Variants in CSMD1 observed in about 807,000 individuals in gnomAD.
The protein encoded by CSMD1 is CUB and Sushi multiple domains 1.
Under a neutral mutation model 417.5 loss-of-function variants are expected in CSMD1, and 213 were observed. The observed-to-expected ratio is 0.51, with a 90% CI of 0.46 to 0.57. The LOEUF (loss-of-function observed/expected upper bound fraction) is 0.57. CSMD1 is among the 20% of genes least tolerant of loss of function. The probability of loss-of-function intolerance (pLI) is 0.00; values close to 1 mark genes in which losing one functional copy is unlikely to be tolerated. For missense variants in CSMD1, 6,923 were observed against 4,529.7 expected (o/e 1.53, Z -15.17); for synonymous variants, 2,862 against 1,736.8 (o/e 1.65, Z -16.11).
At chr8:4,341,835 A>C (rs1016638590) in intron 3 of CSMD1, among the ~76,000 whole-genome samples, 4 of 152,118 alleles carry the variant, frequency 2.6e-5, no homozygotes, top group African/African-American at 9.7e-5. Context: ...CTGCATAATA[A>C]CAGAAGGATG....
At chr8:3,480,119 G>T (rs1423374254) in intron 11 of CSMD1, among the ~76,000 whole-genome samples, 5 of 152,132 alleles carry the variant, frequency 3.3e-5, no homozygotes, top group Non-Finnish European at 1.5e-5. Context: ...AGCACTTTGG[G>T]AGGCCTAGGT....
chr8:4,729,113 C>A (rs1290169749), intron 1 of CSMD1, among the ~76,000 whole-genome samples: 3 of 151,974 alleles, frequency 2.0e-5, no homozygotes, highest in African/African-American at 4.8e-5. Flanking sequence ...TATCTGAAAC[C>A]AGGACAAGGA....
intron 8 of CSMD1, among the ~76,000 whole-genome samples, chr8:3,606,739 T>A (rs991797900): frequency 6.7e-6 from 1 of 149,626 alleles, no homozygotes; most frequent in African/African-American, 2.5e-5. Context: ...TGAGACAGAG[T>A]CTCACTGGGT....
At chr8:3,535,197 T>C (rs1157834311) in intron 10 of CSMD1, among the ~76,000 whole-genome samples, 1 of 152,056 alleles carries the variant, frequency 6.6e-6, no homozygotes, top group Non-Finnish European at 1.5e-5. Context: ...GAAATGATCC[T>C]TCTGTTTCAG....
At chr8:4,537,698 C>A (rs982129953) in intron 2 of CSMD1, among the ~76,000 whole-genome samples, 3 of 152,204 alleles carry the variant, frequency 2.0e-5, no homozygotes, top group African/African-American at 7.2e-5. Flanking sequence ...AGGGTGTGCT[C>A]AGACAAAAGC....
intron 4 of CSMD1, among the ~76,000 whole-genome samples, chr8:4,025,105 G>A (rs1044742289): frequency 6.6e-6 from 1 of 152,186 alleles, no homozygotes; most frequent in Non-Finnish European, 1.5e-5. Context: ...AATAAAAGGG[G>A]ACACCGAAGG....
At chr8:3,976,300 A>G (rs562793598) in intron 5 of CSMD1, among the ~76,000 whole-genome samples, 290 of 152,214 alleles carry the variant, frequency 1.9e-3, no homozygotes, top group Non-Finnish European at 3.5e-3. Flanking sequence ...TATACTTATC[A>G]TTTTTTTCTC....
intron 3 of CSMD1, among the ~76,000 whole-genome samples, chr8:4,286,507 G>C (rs1475876681): frequency 6.6e-6 from 1 of 152,010 alleles, no homozygotes; most frequent in Admixed American, 6.6e-5. Context: ...GCACAGGAAG[G>C]AAGACACTCT....
chr8:4,960,682 T>C (rs546362116), intron 1 of CSMD1, among the ~76,000 whole-genome samples: 8 of 152,256 alleles, frequency 5.3e-5, no homozygotes, highest in African/African-American at 1.9e-4. Flanking sequence ...CATACATACA[T>C]GCATAAATTA....
intron 20 of CSMD1, among the ~76,000 whole-genome samples, chr8:3,362,337 C>A (rs1319418832): frequency 6.6e-6 from 1 of 152,206 alleles, no homozygotes; most frequent in African/African-American, 2.4e-5. Flanking sequence ...TCACAGCCTT[C>A]CACTCAAATG....
chr8:4,082,633 C>G (rs865973411), intron 3 of CSMD1, among the ~76,000 whole-genome samples: 2 of 151,932 alleles, frequency 1.3e-5, no homozygotes, highest in Non-Finnish European at 2.9e-5. Context: ...TATTATTACA[C>G]TTTAACTTTT....
Position 4,368,092 on chromosome 8 carries a change from C to G in CSMD1, c.415+51861G>C, listed in dbSNP as rs192389734. ...TGCGCATCCTTGTCTCATTCCTGTT[C>G]TCAAGGGGAGTGCTTCTAGCTTTTT... On this transcript the variant is annotated intron_variant, in intron 3 of 69. Transcript: ENST00000635120. Among the ~76,000 whole-genome samples the G allele has an allele frequency of 6.4e-3, 972 of 152,232 alleles. 4 individuals are homozygous for G. Among genetic ancestry groups the G allele is most frequent in the Non-Finnish European group, 9.0e-3 (613 of 68,010 alleles).
chr8:3,490,661 C>T (rs1446640961), intron 11 of CSMD1, among the ~76,000 whole-genome samples: 1 of 152,074 alleles, frequency 6.6e-6, no homozygotes, highest in Non-Finnish European at 1.5e-5. Flanking sequence ...AGGAAAATGA[C>T]TTCCCTCAGG....
intron 7 of CSMD1, among the ~76,000 whole-genome samples, chr8:3,631,572 G>T (rs748967932): frequency 2.0e-5 from 3 of 152,166 alleles, no homozygotes; most frequent in African/African-American, 4.8e-5. Flanking sequence ...TTGAAATGAC[G>T]CTAAGAAGCC....
chr8:3,440,333 T>C (rs1350228941), intron 12 of CSMD1, among the ~76,000 whole-genome samples: 3 of 152,232 alleles, frequency 2.0e-5, no homozygotes, highest in Non-Finnish European at 4.4e-5. Flanking sequence ...AATAGCATTG[T>C]ATAGTTTTCA....
At chr8:4,911,750 G>C (rs911939616) in intron 1 of CSMD1, among the ~76,000 whole-genome samples, 1 of 152,006 alleles carries the variant, frequency 6.6e-6, no homozygotes, top group Non-Finnish European at 1.5e-5. Context: ...AATCACGTTG[G>C]TTTCTTCTTG....
At chr8:4,993,384 C>G (rs1811580165) in intron 1 of CSMD1, among the ~76,000 whole-genome samples, 1 of 152,216 alleles carries the variant, frequency 6.6e-6, no homozygotes, top group African/African-American at 2.4e-5. Flanking sequence ...AGTATTCTCT[C>G]TCTCTCTGTC....
At chr8:4,515,095 C>T (rs933988128) in intron 2 of CSMD1, among the ~76,000 whole-genome samples, 3 of 152,282 alleles carry the variant, frequency 2.0e-5, no homozygotes, top group South Asian at 2.1e-4. Flanking sequence ...ATTCTTTGTA[C>T]GATTTACAGC....
In CSMD1 at chr8:4,390,712, A is replaced by G. The variant is rs960151872; in HGVS notation, c.415+29241T>C. Among the ~76,000 whole-genome samples, 11 of 151,622 alleles carry G rather than the reference A, an allele frequency of 7.3e-5. No individual in the cohort carries two copies. The East Asian group carries it at 2.2e-3, about 30-fold the overall frequency. ...GTATTTTCAGTAGAGACGGGGTTTC[A>G]CCATGTTAGCCAGGATGGTCTCGAT... On this transcript the variant is annotated intron_variant, in intron 3 of 69. Transcript: ENST00000635120.
Sources: gnomAD v4.1 joint callset for allele counts (sites outside exome capture counted in the v4.1 genomes callset) on GRCh38, gnomAD v4.1.1 for gene constraint, MANE v1.5 for transcripts, NCBI Gene and HGNC (gene_info 2026-07-23, HGNC 2026-07-21) for gene names.